The following KRT20 variants were observed in gnomAD, a reference collection of about 807,000 sequenced individuals.
KRT20 encodes the protein keratin, type I cytoskeletal 20.
A neutral mutation model predicts 43.0 loss-of-function variants in KRT20; 41 were observed. That is an observed-to-expected ratio of 0.95 (90% CI 0.74 to 1.24). KRT20 has a LOEUF of 1.24. Among genes scored for constraint, KRT20 ranks in the 50% most tolerant of loss-of-function variants. The probability of loss-of-function intolerance (pLI) is 0.00; values close to 1 mark genes in which losing one functional copy is unlikely to be tolerated. For missense variants in KRT20, 533 were observed against 521.2 expected (o/e 1.02, Z -0.22); for synonymous variants, 207 against 200.6 (o/e 1.03, Z -0.27).
At position 40,880,682 on chromosome 17, in the gene KRT20, T is replaced by G; in HGVS notation, c.562A>C (p.Thr188Pro). The G allele has an allele frequency of 6.2e-7, 1 of 1,612,516 alleles. No homozygotes were observed. Among genetic ancestry groups the G allele is most frequent in the Non-Finnish European group, 8.5e-7 (1 of 1,179,348 alleles). The change falls in exon 3 of 8, where the codon ACA becomes CCA. Residue 188 changes from threonine to proline, a missense_variant. By Grantham distance (38) the Thr-to-Pro change is conservative (BLOSUM62 -1). Coordinates refer to ENST00000167588, the MANE Select transcript of KRT20 (RefSeq NM_019010.3). ...TCTTCAATTTGAATCTCCAAATCTG[T>G]TTTATGTAGGGTTAGGTCATCAAAG... ...KVFDDLTLHK[T>P]DLEIQIEELN...
chr17:40,879,022 A>G (rs1456458769), intron 5 of KRT20, among the ~76,000 whole-genome samples: 1 of 152,010 alleles, frequency 6.6e-6, no homozygotes, highest in Non-Finnish European at 1.5e-5. Flanking sequence ...GCTGGTCTCA[A>G]CCTCCTGACC....
At chr17:40,881,917 G>C (rs4488506) in intron 2 of KRT20, among the ~76,000 whole-genome samples, 2 of 148,250 alleles carry the variant, frequency 1.3e-5, no homozygotes, top group Admixed American at 1.4e-4. Context: ...CTGTTGCCCA[G>C]GTTGCAGTGC....
intron 2 of KRT20, among the ~76,000 whole-genome samples, chr17:40,881,942 A>G (rs1597852734): frequency 6.7e-6 from 1 of 149,110 alleles, no homozygotes; most frequent in South Asian, 2.1e-4. Context: ...GCACGATCTC[A>G]GCTCACTGAA....
chr17:40,877,745 G>A (rs985538477), intron 6 of KRT20, among the ~76,000 whole-genome samples: 9 of 152,146 alleles, frequency 5.9e-5, no homozygotes, highest in Non-Finnish European at 1.3e-4. Context: ...AGTTGCTGCT[G>A]CCACACTTAT....
In KRT20 at chr17:40,877,401, A is replaced by G. The variant is rs777378981; in HGVS notation, c.1156T>C (p.Leu386=). 2.0e-5 allele frequency: 30 copies of G among 1,525,982 alleles called. No homozygotes were observed. The highest frequency in any genetic ancestry group is 2.9e-5 in the African/African-American group (2 of 68,850). The allele number at this position is 1,525,982 out of a possible 1,614,324, so 94.5% of individuals were successfully genotyped here. The change falls in exon 7 of 8, where the codon TTA becomes CTA. Residue 386 remains leucine, a synonymous_variant. Transcript: ENST00000167588. ...GEDVKTTEYQ[L]STLEERDIKK... ...TTACCTCTCTCTTCCAGGGTGCTTA[A>G]CTGATATTCTGTAGTTCTGTTTTTT... is the stretch of plus-strand genomic sequence containing the variant.
intron 1 of KRT20, among the ~76,000 whole-genome samples, chr17:40,883,657 A>C (rs1222050971): frequency 6.6e-6 from 1 of 152,264 alleles, no homozygotes; most frequent in Non-Finnish European, 1.5e-5. Context: ...CAATGGACCC[A>C]GTTTTGGAGA....
In KRT20 at chr17:40,876,227, C is replaced by T. The variant is rs75091657; in HGVS notation, c.*134G>A. The T allele has an allele frequency of 0.072, 37,881 of 527,566 alleles. 1,565 individuals carry two copies. The highest frequency in any genetic ancestry group is 0.1 in the Admixed American group (3,218 of 31,826). The allele number at this position is 527,566 out of a possible 1,614,324, so 32.7% of individuals were successfully genotyped here. ...TACAGAGTCTGATAAATAGGATTCC[C>T]GCCACCCCACCCCTTCTAATCACTG... On this transcript the variant is annotated 3_prime_UTR_variant, in exon 8 of 8. Transcript: ENST00000167588.
chr17:40,884,821 C>T lies in KRT20; in HGVS notation c.365G>A (p.Arg122Lys), dbSNP rs568273972. The T allele has an allele frequency of 2.5e-6, 4 of 1,613,382 alleles. No homozygotes were observed. The highest frequency in any genetic ancestry group is 2.2e-5 in the East Asian group (1 of 44,856). The stretch of plus-strand genomic sequence containing the variant: ...CTGACTTCGCAGCTCTTCAATTTGT[C>T]TGTAATATGCACTGTAGTCGCGACC... Reference protein sequence around the residue: ...RAGRDYSAYYRQIEELRSQIK... With the variant: ...RAGRDYSAYYKQIEELRSQIK... Residue 122 changes from arginine to lysine, a missense_variant, in exon 1 of 8, where the codon AGA becomes AAA. Transcript: ENST00000167588.
At chr17:40,880,795 A>G in intron 2 of KRT20, 25 bp from the exon 3 acceptor site, 1 of 1,464,578 alleles carries the variant, frequency 6.8e-7, no homozygotes, top group Non-Finnish European at 9.0e-7. Flanking sequence ...GTGTACAGAG[A>G]TAACTGGTCC....
rs943922588 is a variant in KRT20 at position 40,884,893 on chromosome 17, A to C, written c.293T>G (p.Leu98Arg). The change falls in exon 1 of 8, where the codon CTT (leucine) becomes CGT (arginine). Residue 98 changes from leucine (L) to arginine (R), a missense_variant. By Grantham distance (102) the Leu-to-Arg change is moderately radical. Transcript: ENST00000167588. ...GTACCACTGCTTGATTTGCACTTCAAGTTTGGAGTTGGACTGCTCCAGGGT... is the reference window on the plus strand; with the variant it reads ...GTACCACTGCTTGATTTGCACTTCACGTTTGGAGTTGGACTGCTCCAGGGT... Reference protein sequence around the residue: ...VRTLEQSNSKLEVQIKQWYET... With the variant: ...VRTLEQSNSKREVQIKQWYET... 3 of 1,614,172 alleles carry C rather than the reference A, an allele frequency of 1.9e-6. No individual in the cohort carries two copies. The highest frequency in any genetic ancestry group is 1.6e-4 in the Middle Eastern group (1 of 6,062).
At chr17:40,879,325 A>C (rs1172796335) in intron 5 of KRT20, among the ~76,000 whole-genome samples, 1 of 152,152 alleles carries the variant, frequency 6.6e-6, no homozygotes, top group African/African-American at 2.4e-5. Flanking sequence ...TCTCCATCTT[A>C]AAATTTTATC....
At chr17:40,884,740 T>G in intron 1 of KRT20, 56 bp downstream of exon 1, 1 of 1,551,008 alleles carries the variant, frequency 6.4e-7, no homozygotes, top group Non-Finnish European at 8.7e-7. Flanking sequence ...ATAGATAACC[T>G]CTTGATTTAT....
chr17:40,883,800 G>A (rs2524302), intron 1 of KRT20, among the ~76,000 whole-genome samples: 3,241 of 152,292 alleles, frequency 0.021, 261 homozygotes, highest in Admixed American at 0.15. Context: ...GAGAGCTTGC[G>A]AAGGATGAAC....
intron 2 of KRT20, among the ~76,000 whole-genome samples, chr17:40,881,336 C>A (rs766191067): frequency 2.0e-5 from 3 of 151,844 alleles, no homozygotes; most frequent in Non-Finnish European, 4.4e-5. Flanking sequence ...GCAGCCTCAA[C>A]CTTTGGGGCT....
At chr17:40,878,869 G>A (rs2524307) in intron 5 of KRT20, among the ~76,000 whole-genome samples, 2 of 150,868 alleles carry the variant, frequency 1.3e-5, no homozygotes, top group South Asian at 2.1e-4. Flanking sequence ...TAATGTGATC[G>A]CAGCTCACTG....
chr17:40,881,707 T>C (rs1198722560), intron 2 of KRT20, among the ~76,000 whole-genome samples: 1 of 152,246 alleles, frequency 6.6e-6, no homozygotes, highest in East Asian at 1.9e-4. Flanking sequence ...ATTAAAAGGC[T>C]ACCCTTCTAA....
In KRT20 at chr17:40,880,134, T is replaced by C. The variant is rs752394527; in HGVS notation, c.758A>G (p.Asn253Ser). Reference protein sequence around the residue: ...RQKYEVMAQKNLQEAKEQFER... With the variant: ...RQKYEVMAQKSLQEAKEQFER... ...AAACTGTTCTTTGGCCTCTTGAAGG[T>C]TCTTCTGGGCCATGACTTCATACTT... Residue 253 changes from asparagine (N) to serine (S), a missense_variant, in exon 4 of 8, where the codon AAC (asparagine) becomes AGC (serine). Physicochemically the swap from Asn to Ser is conservative, Grantham distance 46. Transcript: ENST00000167588. 6.2e-6 allele frequency: 10 copies of C among 1,613,998 alleles called. No homozygotes were observed. The highest frequency in any genetic ancestry group is 5.0e-5 in the Admixed American group (3 of 59,986).
intron 2 of KRT20, among the ~76,000 whole-genome samples, chr17:40,881,728 C>CT (rs1907606967): frequency 6.6e-6 from 1 of 152,148 alleles, no homozygotes; most frequent in South Asian, 2.1e-4. Context: ...CCACAAAGGG[C>CT]TTTTTGGTGT....
Position 40,876,442 on chromosome 17 carries a change from C to T in KRT20, c.1194G>A (p.Arg398=). 6.2e-7 allele frequency: 1 copy of T among 1,610,728 alleles called. No homozygotes were observed. Among genetic ancestry groups the T allele is most frequent in the Non-Finnish European group, 8.5e-7 (1 of 1,177,320 alleles). Residue 398 remains arginine (R), a synonymous_variant, in exon 8 of 8, where the codon AGG becomes AGA. Coordinates refer to ENST00000167588, the MANE Select transcript of KRT20 (RefSeq NM_019010.3). ...TLEERDIKKT[R]KIKTVVQEVV... ...CTTCTTGCACGACTGTCTTAATCTT[C>T]CTGGTTTTCTTTATATCTGAATTCA...
Sources: gnomAD v4.1 joint callset for allele counts (sites outside exome capture counted in the v4.1 genomes callset) on GRCh38, gnomAD v4.1.1 for gene constraint, MANE v1.5 for transcripts, NCBI Gene and HGNC (gene_info 2026-07-23, HGNC 2026-07-21) for gene names.